Variants in MORN1 observed in about 807,000 individuals in gnomAD.
The protein encoded by MORN1 is MORN repeat containing 1.
In MORN1, 67 loss-of-function variants were observed where a neutral mutation model predicts 61.9. The observed-to-expected ratio is 1.08, with a 90% CI of 0.89 to 1.33. The LOEUF is 1.33. Ranked by LOEUF, MORN1 falls within the 40% of genes most tolerant of loss-of-function variation. MORN1 has a pLI of 0.00. For missense variants in MORN1, 752 were observed against 691.2 expected (o/e 1.09, Z -0.99); for synonymous variants, 301 against 292.0 (o/e 1.03, Z -0.31).
At chr1:2,322,896 G>A (rs1000820913) in intron 13 of MORN1, 24 of 985,310 alleles carry the variant, frequency 2.4e-5, no homozygotes, top group South Asian at 4.7e-5. Flanking sequence ...GGTGGCCACC[G>A]TGCGGCAGGC....
intron 10 of MORN1, chr1:2,352,225 C>A (rs187277142): frequency 2.7e-4 from 55 of 207,376 alleles, no homozygotes; most frequent in Admixed American, 1.3e-3. Flanking sequence ...CTTCTCCTTG[C>A]CACTTATGCT....
At chr1:2,339,306 G>A (rs921255192) in intron 10 of MORN1, among the ~76,000 whole-genome samples, 3 of 152,140 alleles carry the variant, frequency 2.0e-5, no homozygotes, top group Non-Finnish European at 2.9e-5. Context: ...CGCATGGCAC[G>A]GGTCCACGGA....
At chr1:2,332,653 C>T (rs1306011186) in intron 12 of MORN1, 3 of 456,596 alleles carry the variant, frequency 6.6e-6, no homozygotes, top group South Asian at 4.6e-5. Context: ...GGGTCACACT[C>T]CCGTCTCACT....
intron 12 of MORN1, chr1:2,326,662 G>C (rs1261398513): frequency 6.6e-6 from 1 of 152,438 alleles, no homozygotes; most frequent in Non-Finnish European, 1.5e-5. Context: ...TCCCTCACGC[G>C]CTGGCCATGA....
At chr1:2,358,349 C>A (rs766774668) in intron 9 of MORN1, among the ~76,000 whole-genome samples, 1 of 152,072 alleles carries the variant, frequency 6.6e-6, no homozygotes, top group African/African-American at 2.4e-5. Flanking sequence ...GGGGGCCGAG[C>A]GCTGGGGGAG....
At chr1:2,325,101 C>T (rs116485075) in intron 12 of MORN1, among the ~76,000 whole-genome samples, 6,371 of 136,832 alleles carry the variant, frequency 0.047, 304 homozygotes, top group Non-Finnish European at 0.069. Context: ...TTCTTTCTCT[C>T]CCCTTTCCTT....
chr1:2,388,775 CAAAAAAAAAAAAAA>C (rs57362688), intron 2 of MORN1, among the ~76,000 whole-genome samples: 1 of 64,570 alleles, frequency 1.5e-5, no homozygotes, highest in East Asian at 4.3e-4. Context: ...AAGACTGTCT[CAAAAAAAAAAAAAA>C]AAAAAAAAAA....
chr1:2,391,371 C>CA lies in MORN1; in HGVS notation c.76+86dup, dbSNP rs921213026. On this transcript the variant is annotated intron_variant, in intron 1 of 13. Coordinates refer to ENST00000378531, the MANE Select transcript of MORN1 (RefSeq NM_024848.3). ...CTGGACCTCTACTTTCCGAGGTGAG[C>CA]ATTTGGGGGTCGAGGGCGTAGAGCG... is the stretch of plus-strand genomic sequence containing the variant. 4.1e-6 allele frequency: 5 copies of CA among 1,232,188 alleles called. No individual in the cohort carries two copies. The African/African-American group carries it at 6.2e-5, about 15-fold the overall frequency. The allele number at this position is 1,232,188 out of a possible 1,614,324, so 76.3% of individuals were successfully genotyped here. A position where few individuals can be genotyped will look rare whatever the true frequency, so the allele number is the denominator to read the frequency against.
intron 10 of MORN1, chr1:2,351,821 C>T (rs1258305627): frequency 1.5e-5 from 8 of 536,860 alleles, no homozygotes; most frequent in Admixed American, 4.4e-5. Flanking sequence ...TTCTGTGGTC[C>T]GTGTGTGGCA....
chr1:2,340,455 C>T (rs937424056), intron 10 of MORN1, among the ~76,000 whole-genome samples: 4 of 152,170 alleles, frequency 2.6e-5, no homozygotes, highest in Non-Finnish European at 5.9e-5. Context: ...TCCATGACAC[C>T]CCTCCACCCA....
intron 6 of MORN1, chr1:2,379,031 A>T (rs903902): frequency 0.078 from 36,699 of 470,976 alleles, 2,584 homozygotes; most frequent in South Asian, 0.22. Flanking sequence ...ATGCATTTTT[A>T]AAAAAAGGTT....
chr1:2,350,441 C>T (rs1487020229), intron 10 of MORN1: 1 of 152,196 alleles, frequency 6.6e-6, no homozygotes, highest in African/African-American at 2.4e-5. Context: ...TTTATTTGTA[C>T]CAGTGAAAGG....
At chr1:2,355,101 G>C in intron 10 of MORN1, 1 of 1,005,596 alleles carries the variant, frequency 9.9e-7, no homozygotes, top group South Asian at 3.5e-5. Context: ...GCGGGGTAGG[G>C]TGCGATGCAG....
intron 6 of MORN1, among the ~76,000 whole-genome samples, chr1:2,384,322 T>C (rs1642438250): frequency 6.6e-6 from 1 of 152,194 alleles, no homozygotes; most frequent in Admixed American, 6.5e-5. Flanking sequence ...CATCCTGAAA[T>C]TTGCTCTCTG....
intron 13 of MORN1, chr1:2,322,034 G>T: frequency 1.0e-6 from 1 of 985,318 alleles, no homozygotes; most frequent in African/African-American, 1.7e-5. Context: ...CCCTCTGAAG[G>T]CTGGTGTGTC....
At chr1:2,346,826 G>A (rs1052137901) in intron 10 of MORN1, among the ~76,000 whole-genome samples, 3 of 152,168 alleles carry the variant, frequency 2.0e-5, no homozygotes, top group Admixed American at 6.5e-5. Context: ...GGCTCCTGCC[G>A]GTCACCCCTG....
chr1:2,337,889 C>A lies in MORN1; in HGVS notation c.1037-1039G>T, dbSNP rs535330263. ...TGTCCCCACCAGGCAGTGACACCAT[C>A]AAAAAAACAGAAGAGACCCAGCTCC... On this transcript the variant is annotated intron_variant, in intron 10 of 13. Coordinates refer to ENST00000378531, the MANE Select transcript of MORN1 (RefSeq NM_024848.3). The surrounding 1 kb of genome is among the most constrained non-coding windows in gnomAD (Gnocchi z 5.7). 1.8e-4 allele frequency among the ~76,000 whole-genome samples: 27 copies of A among 152,084 alleles called. No homozygotes were observed. Among genetic ancestry groups the A allele is most frequent in the African/African-American group, 6.0e-4 (25 of 41,480 alleles).
intron 6 of MORN1, 71 bp from the exon 7 acceptor site, chr1:2,374,628 C>T: frequency 7.4e-7 from 1 of 1,345,570 alleles, no homozygotes; most frequent in Non-Finnish European, 1.0e-6. Context: ...CATGGCACTG[C>T]AGCTTCCTGG....
chr1:2,376,510 G>A (rs534752592), intron 6 of MORN1: 1 of 152,502 alleles, frequency 6.6e-6, no homozygotes, highest in South Asian at 2.1e-4. Context: ...GGCGTCCAGG[G>A]TGAGTACCCA....
Sources: allele counts gnomAD v4.1 joint callset (sites outside exome capture counted in the v4.1 genomes callset), GRCh38; gene constraint gnomAD v4.1.1; non-coding constraint Gnocchi (gnomAD v3.1); transcripts MANE v1.5; gene names NCBI Gene and HGNC (gene_info 2026-07-23, HGNC 2026-07-21).